The following TMEM240 variants were observed in gnomAD, a reference collection of about 807,000 sequenced individuals.
TMEM240 encodes the protein transmembrane protein 240.
A neutral mutation model predicts 19.5 loss-of-function variants in TMEM240; 3 were observed. The ratio of observed to expected loss-of-function variants is 0.15; its 90% confidence interval spans 0.07 to 0.40. TMEM240 has a LOEUF of 0.40. Among genes scored for constraint, TMEM240 ranks in the 10% least tolerant of loss-of-function variants. The pLI, the probability that TMEM240 is intolerant of heterozygous loss-of-function variation, is 1.00. For missense variants in TMEM240, 210 were observed against 253.5 expected, an observed-to-expected ratio of 0.83 and a Z score of 1.17; for synonymous variants, 123 against 109.3, an observed-to-expected ratio of 1.13 and a Z score of -0.78.
Position 1,536,139 on chromosome 1 carries a change from C to T in TMEM240, c.165-342G>A, listed in dbSNP as rs1045052147. The stretch of plus-strand genomic sequence containing the variant: ...AAGGTGCTGCAGGTGGAAGAGGCCT[C>T]CCCCGGAGGGGGCTCAGGACGGCGG... On this transcript the variant is annotated intron_variant, in intron 2 of 3. Coordinates refer to ENST00000378733, the MANE Select transcript of TMEM240 (RefSeq NM_001114748.2). The surrounding 1 kb of genome is among the most constrained non-coding windows in gnomAD (Gnocchi z 5.4). Among the ~76,000 whole-genome samples the T allele has an allele frequency of 2.6e-5, 4 of 152,100 alleles. No homozygotes were observed. The highest frequency in any genetic ancestry group is 4.4e-5 in the Non-Finnish European group (3 of 67,988).
rs762554387 is a variant in TMEM240, at chr1:1,536,319, C to A, written c.165-522G>T. Among the ~76,000 whole-genome samples the A allele has an allele frequency of 2.6e-5, 4 of 152,160 alleles. No homozygotes were observed. The highest frequency in any genetic ancestry group is 1.3e-4 in the Admixed American group (2 of 15,290). On this transcript the variant is annotated intron_variant, in intron 2 of 3. Coordinates refer to ENST00000378733, the MANE Select transcript of TMEM240 (RefSeq NM_001114748.2). This position sits in a 1 kb window ranked among gnomAD's most constrained non-coding sequence, Gnocchi z 5.4. ...GTGCCCTTTCCTCCACGGCTGCCAC[C>A]GCGCCTGCCAGGCCCACTGCCCCTG...
chr1:1,539,526 G>A lies in TMEM240; in HGVS notation c.164+158C>T, dbSNP rs1218115221. On this transcript the variant is annotated intron_variant, in intron 2 of 3. Coordinates refer to ENST00000378733, the MANE Select transcript of TMEM240 (RefSeq NM_001114748.2). The stretch of plus-strand genomic sequence containing the variant: ...AGCCATGCGCCCCCAGGAGACCCCC[G>A]CCCACCTTGAGACAGCTCCTCCCCC... 1.7e-5 allele frequency: 11 copies of A among 646,252 alleles called. No homozygotes were observed. The East Asian group carries it at 2.6e-4, about 15-fold the overall frequency. The allele number at this position is 646,252 out of a possible 1,614,324, so 40.0% of individuals were successfully genotyped here.
At position 1,536,949 on chromosome 1, in the gene TMEM240, C is replaced by T. The variant is rs1243606760; in HGVS notation, c.165-1152G>A. Among the ~76,000 whole-genome samples, 1 of 152,156 alleles carries T rather than the reference C, an allele frequency of 6.6e-6. No individual in the cohort carries two copies. The highest frequency in any genetic ancestry group is 1.5e-5 in the Non-Finnish European group (1 of 68,026). On this transcript the variant is annotated intron_variant, in intron 2 of 3. Transcript: ENST00000378733. The surrounding 1 kb of genome is among the most constrained non-coding windows in gnomAD (Gnocchi z 5.4). ...CCTCGGTGACGTAGCAGCGCCTCAG[C>T]CTGGTTTTCAGCCGAGACCCAGAGA... is the stretch of plus-strand genomic sequence containing the variant.
rs543994832 is a variant in TMEM240, at chr1:1,535,226, G to A, written c.*133C>T. The A allele has an allele frequency of 1.1e-4, 91 of 800,838 alleles. 1 individual carries two copies. Among genetic ancestry groups the A allele is most frequent in the African/African-American group, 5.3e-4 (25 of 46,798 alleles). 49.6% of individuals were successfully genotyped at this position (800,838 alleles called of 1,614,324 possible). ...ACAGCACCTTCCACTGGACTCTCCC[G>A]GCCGGCCACAGCCCCGGACAACCTG... On this transcript the variant is annotated 3_prime_UTR_variant, in exon 4 of 4. Transcript: ENST00000378733. The surrounding 1 kb of genome is among the most constrained non-coding windows in gnomAD (Gnocchi z 8.2).
At chr1:1,538,645 T>A (rs2100698242) in intron 2 of TMEM240, among the ~76,000 whole-genome samples, 1 of 152,332 alleles carries the variant, frequency 6.6e-6, no homozygotes, top group Non-Finnish European at 1.5e-5. Flanking sequence ...CCCCCTACCC[T>A]GTGCCCAGCA....
chr1:1,540,175 C>G (rs1642281070), intron 1 of TMEM240, 115 bp downstream of exon 1: 1 of 417,834 alleles, frequency 2.4e-6, no homozygotes, highest in Non-Finnish European at 3.4e-6. Flanking sequence ...GAGGGGAGCG[C>G]AGGCCGGGGA....
Position 1,534,963 on chromosome 1 carries a change from C to G in TMEM240, c.*396G>C, listed in dbSNP as rs1485040521. Among the ~76,000 whole-genome samples, 2 of 147,266 alleles carry G rather than the reference C, an allele frequency of 1.4e-5. No homozygotes were observed. Among genetic ancestry groups the G allele is most frequent in the African/African-American group, 5.2e-5 (2 of 38,372 alleles). ...CCCAAGCTGGCTGGGGCCAGACAGACGGTGGACGCAGCGCACGGGAAACAG... is the reference window on the plus strand; with the variant it reads ...CCCAAGCTGGCTGGGGCCAGACAGAGGGTGGACGCAGCGCACGGGAAACAG... On this transcript the variant is annotated 3_prime_UTR_variant, in exon 4 of 4. Transcript: ENST00000378733.
rs541018437 is a variant in TMEM240 at position 1,537,496 on chromosome 1, C to A, written c.165-1699G>T. Among the ~76,000 whole-genome samples, 7 of 152,244 alleles carry A rather than the reference C, an allele frequency of 4.6e-5. No individual in the cohort carries two copies. The East Asian group carries it at 1.4e-3, about 29-fold the overall frequency. On this transcript the variant is annotated intron_variant, in intron 2 of 3. Coordinates refer to ENST00000378733, the MANE Select transcript of TMEM240 (RefSeq NM_001114748.2). ...GGGGGTCAGAGGTCACAGCCTGTGTCCCCCACCATGGCTGGCCTGGGTACC... is the reference window on the plus strand; with the variant it reads ...GGGGGTCAGAGGTCACAGCCTGTGTACCCCACCATGGCTGGCCTGGGTACC...
rs1213297460 is a variant in TMEM240 at position 1,536,078 on chromosome 1, C to T, written c.165-281G>A. ...CTGCCGGCGAGGGTGTCGGCCCTCA[C>T]TCAGCACCTCCTCCCTGAGGCCTGG... On this transcript the variant is annotated intron_variant, in intron 2 of 3. Coordinates refer to ENST00000378733, the MANE Select transcript of TMEM240 (RefSeq NM_001114748.2). This position sits in a 1 kb window ranked among gnomAD's most constrained non-coding sequence, Gnocchi z 5.4. Among the ~76,000 whole-genome samples, 1 of 152,078 alleles carries T rather than the reference C, an allele frequency of 6.6e-6. No homozygotes were observed. Among genetic ancestry groups the T allele is most frequent in the Non-Finnish European group, 1.5e-5 (1 of 67,962 alleles).
Position 1,540,456 on chromosome 1 carries a change from A to C in TMEM240, c.-110T>G. 1 of 256,798 alleles carries C rather than the reference A, an allele frequency of 3.9e-6. No homozygotes were observed. Among genetic ancestry groups the C allele is most frequent in the Non-Finnish European group, 5.9e-6 (1 of 169,010 alleles). 15.9% of individuals were successfully genotyped at this position (256,798 alleles called of 1,614,324 possible). A position where few individuals can be genotyped will look rare whatever the true frequency, so the allele number is the denominator to read the frequency against. On this transcript the variant is annotated 5_prime_UTR_variant, in exon 1 of 4. Transcript: ENST00000378733. ...TCCGCAGAGGTCAGCGCTTCCCTGGATCGTCCGCCGCCGCTCGCTGCAACC... is the reference window on the plus strand; with the variant it reads ...TCCGCAGAGGTCAGCGCTTCCCTGGCTCGTCCGCCGCCGCTCGCTGCAACC...
chr1:1,535,526 G>A lies in TMEM240; in HGVS notation c.374-19C>T, dbSNP rs1257887323. 11 of 1,538,734 alleles carry A rather than the reference G, an allele frequency of 7.1e-6. No individual in the cohort carries two copies. Among genetic ancestry groups the A allele is most frequent in the Middle Eastern group, 1.7e-4 (1 of 5,910 alleles). The stretch of plus-strand genomic sequence containing the variant: ...GAGCCATCTGCGGGGGGACAGGGGC[G>A]GTCAGGCGGCTGGGGCCGGCCAGGG... On this transcript the variant is annotated intron_variant, in intron 3 of 3. Transcript: ENST00000378733. The surrounding 1 kb of genome is among the most constrained non-coding windows in gnomAD (Gnocchi z 8.2).
At chr1:1,540,221 C>A in intron 1 of TMEM240, 69 bp downstream of exon 1, 1 of 830,066 alleles carries the variant, frequency 1.2e-6, no homozygotes, top group Non-Finnish European at 1.4e-6. Context: ...AAACAAGGCG[C>A]GGGAGGTGGG....
chr1:1,538,178 CAT>C (rs561558118), intron 2 of TMEM240, among the ~76,000 whole-genome samples: 4 of 152,222 alleles, frequency 2.6e-5, no homozygotes, highest in Non-Finnish European at 5.9e-5. Context: ...TTTGCATACA[CAT>C]ATATGTTGTC....
rs373327807 is a variant in TMEM240, at chr1:1,535,649, C to T, written c.313G>A (p.Val105Met). 3 of 1,550,046 alleles carry T rather than the reference C, an allele frequency of 1.9e-6. No individual in the cohort carries two copies. Among genetic ancestry groups the T allele is most frequent in the Non-Finnish European group, 2.6e-6 (3 of 1,146,634 alleles). The change falls in exon 3 of 4, where the codon GTG (valine) becomes ATG (methionine). Residue 105 changes from valine to methionine, a missense_variant. Coordinates refer to ENST00000378733, the MANE Select transcript of TMEM240 (RefSeq NM_001114748.2). The surrounding 1 kb of genome is among the most constrained non-coding windows in gnomAD (Gnocchi z 8.2). Reference sequence around the variant, plus strand: ...CAGTGCAGGACGCCGTCCATCCACACCAGGAACCAGCTGATGCAAAAGCCC... The same window carrying T: ...CAGTGCAGGACGCCGTCCATCCACATCAGGAACCAGCTGATGCAAAAGCCC... Reference protein sequence around the residue: ...LLGFCISWFLVWMDGVLHCAV... With the variant: ...LLGFCISWFLMWMDGVLHCAV...
Position 1,536,777 on chromosome 1 carries a change from C to T in TMEM240, c.165-980G>A, listed in dbSNP as rs570042280. On this transcript the variant is annotated intron_variant, in intron 2 of 3. Transcript: ENST00000378733. This position sits in a 1 kb window ranked among gnomAD's most constrained non-coding sequence, Gnocchi z 5.4. ...CTGGGAGTGGAGCCCGCGGGCCCCA[C>T]GCGCCTTGCGGTCCACACTCCTGGC... 2.0e-5 allele frequency among the ~76,000 whole-genome samples: 3 copies of T among 152,272 alleles called. No homozygotes were observed. In the South Asian group the frequency reaches 6.2e-4, roughly 32 times the overall value.
At chr1:1,539,525 C>T (rs1642269154) in intron 2 of TMEM240, 159 bp downstream of exon 2, 4 of 648,354 alleles carry the variant, frequency 6.2e-6, no homozygotes, top group Non-Finnish European at 1.1e-5. Flanking sequence ...AGGAGACCCC[C>T]GCCCACCTTG....
rs1470117349 is a variant in TMEM240 at position 1,540,310 on chromosome 1, G to A, written c.37C>T (p.Leu13=). 1 of 1,336,208 alleles carries A rather than the reference G, an allele frequency of 7.5e-7. No homozygotes were observed. The highest frequency in any genetic ancestry group is 9.7e-7 in the Non-Finnish European group (1 of 1,034,796). 82.8% of individuals were successfully genotyped at this position (1,336,208 alleles called of 1,614,324 possible). The change falls in exon 1 of 4, where the codon CTG becomes TTG. Residue 13 remains leucine, a synonymous_variant. Coordinates refer to ENST00000378733, the MANE Select transcript of TMEM240 (RefSeq NM_001114748.2). ...CTCACCATCACGACCGACGCCCCCA[G>A]AATCATGAAGATCATGGTGTTCGCG... is the stretch of plus-strand genomic sequence containing the variant. The part of the protein sequence containing the change: ...MSANTMIFMI[L]GASVVMAIAC...
chr1:1,535,604 C>CG lies in TMEM240; in HGVS notation c.357_358insC (p.Ala120ArgfsTer113). 1.9e-6 allele frequency: 3 copies of CG among 1,549,502 alleles called. No homozygotes were observed. The highest frequency in any genetic ancestry group is 2.6e-6 in the Non-Finnish European group (3 of 1,146,418). Reference sequence around the variant, plus strand: ...AGGCACTCACCGTAGCGCCGTCCGGCTCTCCAGGCGCGCACGGCGCAGTGC... The same window carrying CG: ...AGGCACTCACCGTAGCGCCGTCCGGCGTCTCCAGGCGCGCACGGCGCAGTGC... On this transcript the variant is annotated frameshift_variant, in exon 3 of 4. Transcript: ENST00000378733. LOFTEE classifies it high-confidence loss of function. The surrounding 1 kb of genome is among the most constrained non-coding windows in gnomAD (Gnocchi z 8.2).
In TMEM240 at chr1:1,540,357, C is replaced by G; in HGVS notation, c.-11G>C. 1 of 1,178,830 alleles carries G rather than the reference C, an allele frequency of 8.5e-7. No individual in the cohort carries two copies. The highest frequency in any genetic ancestry group is 1.1e-6 in the Non-Finnish European group (1 of 947,732). The allele number at this position is 1,178,830 out of a possible 1,614,324, so 73.0% of individuals were successfully genotyped here. On this transcript the variant is annotated 5_prime_UTR_variant, in exon 1 of 4. Transcript: ENST00000378733. ...CGCGCTCATGGACATCGGGCGGGGC[C>G]GGGCCGGGCCGGAGCGCCGCCCCCC...
Sources: allele counts gnomAD v4.1 joint callset (sites outside exome capture counted in the v4.1 genomes callset), GRCh38; gene constraint gnomAD v4.1.1; non-coding constraint Gnocchi (gnomAD v3.1); transcripts MANE v1.5; gene names NCBI Gene and HGNC (gene_info 2026-07-23, HGNC 2026-07-21).